Variants in SPEF2 observed in about 807,000 individuals in gnomAD.
SPEF2 encodes the protein sperm flagella and cilia-associated protein 2.
In SPEF2, 187 loss-of-function variants were observed where a neutral mutation model predicts 224.6. The ratio of observed to expected loss-of-function variants is 0.83; its 90% CI spans 0.74 to 0.94. The LOEUF (loss-of-function observed/expected upper bound fraction) is 0.94, where lower values mean the gene tolerates loss of function less well. SPEF2 is among the 40% of genes least tolerant of loss of function. SPEF2 has a pLI of 0.00. For missense variants in SPEF2, 2,170 were observed against 2,135.6 expected (o/e 1.02, Z -0.32); for synonymous variants, 715 against 707.3 (o/e 1.01, Z -0.17).
chr5:35,666,597 A>G (rs989530168), intron 8 of SPEF2, among the ~76,000 whole-genome samples: 3 of 152,154 alleles, frequency 2.0e-5, no homozygotes, highest in Admixed American at 2.0e-4. Flanking sequence ...AATATTTTCT[A>G]AGTATAAACC....
At chr5:35,676,051 G>T (rs1751959558) in intron 10 of SPEF2, 5 of 455,260 alleles carry the variant, frequency 1.1e-5, no homozygotes, top group South Asian at 3.1e-5. Flanking sequence ...AGTTCAAGAC[G>T]TTAGACCAGA....
rs1163150639 is a variant in SPEF2 at position 35,717,793 on chromosome 5, G to A, written c.2914+4907G>A. ...GGGCAGGCTGGTTGGAGTTTCTCCA[G>A]GGACCCCCTGCCACCTGGTTGTCTC... On this transcript the variant is annotated intron_variant, in intron 20 of 36. Transcript: ENST00000356031. Among the ~76,000 whole-genome samples, 3 of 152,176 alleles carry A rather than the reference G, an allele frequency of 2.0e-5. No individual in the cohort carries two copies. The East Asian group carries it at 5.8e-4, about 29-fold the overall frequency.
chr5:35,652,863 C>T (rs1019704975), intron 6 of SPEF2, among the ~76,000 whole-genome samples: 1 of 152,058 alleles, frequency 6.6e-6, no homozygotes, highest in Non-Finnish European at 1.5e-5. Flanking sequence ...CAAGTCTCTA[C>T]ACACTTTAAT....
At chr5:35,705,259 C>G (rs550562580) in intron 17 of SPEF2, among the ~76,000 whole-genome samples, 1 of 152,008 alleles carries the variant, frequency 6.6e-6, no homozygotes, top group Non-Finnish European at 1.5e-5. Context: ...TCTATACTTA[C>G]TCAAAGATCT....
intron 29 of SPEF2, among the ~76,000 whole-genome samples, chr5:35,777,256 G>A (rs904548622): frequency 6.6e-6 from 1 of 152,150 alleles, no homozygotes; most frequent in African/African-American, 2.4e-5. Context: ...TTGTCTCATA[G>A]TGAAGTTCTT....
chr5:35,708,706 A>AT (rs1561236742), intron 18 of SPEF2, among the ~76,000 whole-genome samples: 15 of 7,396 alleles, frequency 2.0e-3, no homozygotes, highest in East Asian at 3.6e-3. Context: ...CATCACCACC[A>AT]CTACCCATCA....
chr5:35,714,420 G>A (rs1742089652), intron 20 of SPEF2, among the ~76,000 whole-genome samples: 1 of 151,318 alleles, frequency 6.6e-6, no homozygotes, highest in South Asian at 2.1e-4. Context: ...TATGAGGGGT[G>A]GTGTCCCTTT....
At chr5:35,670,404 A>G in intron 10 of SPEF2, 177 bp downstream of exon 10, 1 of 1,329,292 alleles carries the variant, frequency 7.5e-7, no homozygotes, top group Admixed American at 3.7e-5. Flanking sequence ...AACTATACAT[A>G]AGCTATTATC....
chr5:35,763,635 A>G lies in SPEF2; in HGVS notation c.3734A>G (p.Asn1245Ser). 1.2e-6 allele frequency: 2 copies of G among 1,613,962 alleles called. No individual in the cohort carries two copies. Among genetic ancestry groups the G allele is most frequent in the South Asian group, 1.1e-5 (1 of 91,044 alleles). Residue 1245 changes from asparagine (N) to serine (S), a missense_variant, in exon 26 of 37, where the codon AAC becomes AGC. Transcript: ENST00000356031. ...AACTCCCTAGAAAACGTTGAGTCCA[A>G]CTTTGAGGCCGATGAAAAGTTGGTC... ...MDNSLENVES[N>S]FEADEKLVMD...
At chr5:35,632,555 A>G (rs934574719) in intron 2 of SPEF2, among the ~76,000 whole-genome samples, 1 of 152,126 alleles carries the variant, frequency 6.6e-6, no homozygotes, top group Non-Finnish European at 1.5e-5. Context: ...GCTTAACCAT[A>G]TCAGCTACTT....
At chr5:35,720,368 A>G (rs1266956190) in intron 20 of SPEF2, among the ~76,000 whole-genome samples, 1 of 152,252 alleles carries the variant, frequency 6.6e-6, no homozygotes, top group Non-Finnish European at 1.5e-5. Flanking sequence ...CAGTCCATTT[A>G]GTTCTTGCTT....
chr5:35,812,539 T>C (rs2149881603), intron 36 of SPEF2, among the ~76,000 whole-genome samples: 1 of 152,348 alleles, frequency 6.6e-6, no homozygotes, highest in South Asian at 2.1e-4. Flanking sequence ...ACAAAGTCAA[T>C]TTCCTGTGAT....
In SPEF2 at chr5:35,631,501, C is replaced by A. The variant is rs191837852; in HGVS notation, c.161+2939C>A. 2.4e-3 allele frequency among the ~76,000 whole-genome samples: 364 copies of A among 152,306 alleles called. 1 individual carries two copies. Among genetic ancestry groups the A allele is most frequent in the Admixed American group, 0.02 (307 of 15,304 alleles). ...AAGGACATGGAGAAATCAAAACCCT[C>A]TTACAATGTTAGTGTGAATTTAACT... On this transcript the variant is annotated intron_variant, in intron 2 of 36. Transcript: ENST00000356031.
intron 24 of SPEF2, among the ~76,000 whole-genome samples, chr5:35,757,108 C>A (rs1350687175): frequency 7.4e-6 from 1 of 134,662 alleles, no homozygotes; most frequent in African/African-American, 2.5e-5. Flanking sequence ...GTTATCATAA[C>A]AATTAAAAAT....
intron 33 of SPEF2, among the ~76,000 whole-genome samples, chr5:35,796,740 C>T (rs542913291): frequency 3.0e-4 from 45 of 152,262 alleles, no homozygotes; most frequent in African/African-American, 1.0e-3. Flanking sequence ...CCATTAGTTC[C>T]AAATTGCAGT....
chr5:35,680,631 A>T (rs1752659780), intron 10 of SPEF2, among the ~76,000 whole-genome samples: 1 of 152,176 alleles, frequency 6.6e-6, no homozygotes, highest in South Asian at 2.1e-4. Context: ...TGAGAAAAAA[A>T]CCATTCCAGA....
At chr5:35,680,316 A>G (rs780429595) in intron 10 of SPEF2, among the ~76,000 whole-genome samples, 5 of 152,164 alleles carry the variant, frequency 3.3e-5, no homozygotes, top group Non-Finnish European at 7.4e-5. Context: ...AATTTCATTC[A>G]TGGTATGTGG....
chr5:35,667,262 A>G lies in SPEF2; in HGVS notation c.1355+3A>G. 1 of 1,593,158 alleles carries G rather than the reference A, an allele frequency of 6.3e-7. No homozygotes were observed. The highest frequency in any genetic ancestry group is 8.6e-7 in the Non-Finnish European group (1 of 1,167,960). On this transcript the variant is annotated splice_donor_region_variant and intron_variant, in intron 9 of 36. Transcript: ENST00000356031. ...GACTATCGAATGTTGACAAATAAGTAAGTATTTTTTTTGTAATAACAGTAG... is the reference window on the plus strand; with the variant it reads ...GACTATCGAATGTTGACAAATAAGTGAGTATTTTTTTTGTAATAACAGTAG...
chr5:35,789,314 ATTGCTGACATAT>A, intron 30 of SPEF2: 1 of 703,422 alleles, frequency 1.4e-6, no homozygotes, highest in South Asian at 1.5e-5. Flanking sequence ...AAATTCCTCA[ATTGCTGACATAT>A]TTGCCACTTT....
Sources: allele counts gnomAD v4.1 joint callset (sites outside exome capture counted in the v4.1 genomes callset), GRCh38; gene constraint gnomAD v4.1.1; transcripts MANE v1.5; gene names NCBI Gene and HGNC (gene_info 2026-07-23, HGNC 2026-07-21).